The following IRAG1 variants were observed in gnomAD, a reference collection of about 807,000 sequenced individuals.
IRAG1 encodes the protein inositol 1,4,5-triphosphate receptor associated 1, also known as IP3R-associated cGMP kinase substrate.
A neutral mutation model predicts 106.2 loss-of-function variants in IRAG1; 62 were observed. The observed-to-expected ratio is 0.58, with a 90% confidence interval of 0.48 to 0.72. The LOEUF (loss-of-function observed/expected upper bound fraction) is 0.72. Among genes scored for constraint, IRAG1 ranks in the 30% least tolerant of loss-of-function variants. The probability of loss-of-function intolerance (pLI) is 0.00; values close to 1 mark genes in which losing one functional copy is unlikely to be tolerated. For missense variants in IRAG1, 1,064 were observed against 1,140.7 expected, an observed-to-expected ratio of 0.93 and a Z score of 0.97; for synonymous variants, 462 against 443.9, an observed-to-expected ratio of 1.04 and a Z score of -0.51.
intron 1 of IRAG1, among the ~76,000 whole-genome samples, chr11:10,668,357 A>G (rs1282718458): frequency 3.3e-5 from 5 of 152,276 alleles, no homozygotes; most frequent in Non-Finnish European, 5.9e-5. Flanking sequence ...TACAGTGTCT[A>G]GCACAAAATA....
At chr11:10,614,445 A>C (rs540700137) in intron 10 of IRAG1, among the ~76,000 whole-genome samples, 1 of 152,368 alleles carries the variant, frequency 6.6e-6, no homozygotes, top group South Asian at 2.1e-4. Flanking sequence ...AAAATACTTT[A>C]AAGTTCATGT....
intron 1 of IRAG1, among the ~76,000 whole-genome samples, chr11:10,663,926 C>G (rs1385919347): frequency 2.0e-5 from 3 of 152,198 alleles, no homozygotes; most frequent in Admixed American, 2.0e-4. Context: ...CTAGGTCACA[C>G]AGTCAGAAGG....
At position 10,628,757 on chromosome 11, in the gene IRAG1, G is replaced by C; in HGVS notation, c.646C>G (p.Pro216Ala). The C allele has an allele frequency of 6.5e-7, 1 of 1,540,104 alleles. No individual in the cohort carries two copies. Among genetic ancestry groups the C allele is most frequent in the Non-Finnish European group, 8.7e-7 (1 of 1,149,714 alleles). Residue 216 changes from proline (P) to alanine (A), a missense_variant, in exon 6 of 21, where the codon CCG becomes GCG. Pro to Ala is a conservative substitution (Grantham distance 27). Transcript: ENST00000423302. The surrounding 1 kb of genome is among the most constrained non-coding windows in gnomAD (Gnocchi z 4.1). ...SRSNSLTVPT[P>A]PGLDVCSGPP... ...CCGGGCAGCTGGGCCTCACCTGGCG[G>C]GGTGGGGACTGTAAGTGAGTTGCTC...
In IRAG1 at chr11:10,576,047, C is replaced by T; in HGVS notation, c.*285G>A. ...AAGGTGTTTTAGTTCTCCCCAGCCACCTGAGCTAGGGGCAGGAGACCTTCC... is the reference window on the plus strand; with the variant it reads ...AAGGTGTTTTAGTTCTCCCCAGCCATCTGAGCTAGGGGCAGGAGACCTTCC... On this transcript the variant is annotated 3_prime_UTR_variant, in exon 21 of 21. Coordinates refer to ENST00000423302, the MANE Select transcript of IRAG1 (RefSeq NM_130385.4). 1 of 405,144 alleles carries T rather than the reference C, an allele frequency of 2.5e-6. No individual in the cohort carries two copies. Among genetic ancestry groups the T allele is most frequent in the Non-Finnish European group, 4.6e-6 (1 of 218,686 alleles). 25.1% of individuals were successfully genotyped at this position (405,144 alleles called of 1,614,324 possible).
intron 2 of IRAG1, among the ~76,000 whole-genome samples, chr11:10,650,763 G>A (rs1175160217): frequency 6.6e-6 from 1 of 152,184 alleles, no homozygotes; most frequent in Non-Finnish European, 1.5e-5. Flanking sequence ...GCCTGAGGCT[G>A]AAGGGCTAGG....
rs965673934 is a variant in IRAG1, at chr11:10,665,121, T to G, written c.68-12939A>C. Among the ~76,000 whole-genome samples, 3 of 138,296 alleles carry G rather than the reference T, an allele frequency of 2.2e-5. No individual in the cohort carries two copies. Among genetic ancestry groups the G allele is most frequent in the African/African-American group, 8.2e-5 (3 of 36,748 alleles). 90.7% of individuals were successfully genotyped at this position (138,296 alleles called of 152,430 possible). ...GTCTTCTCTCACCTCTCTACTGTGC[T>G]GCTTACCTAACCCTAACCCTAACCC... is the stretch of plus-strand genomic sequence containing the variant. On this transcript the variant is annotated intron_variant, in intron 1 of 20. Coordinates refer to ENST00000423302, the MANE Select transcript of IRAG1 (RefSeq NM_130385.4). This position sits in a 1 kb window ranked among gnomAD's most constrained non-coding sequence, Gnocchi z 4.2.
At chr11:10,589,650 C>T (rs1852416318) in intron 18 of IRAG1, among the ~76,000 whole-genome samples, 1 of 152,160 alleles carries the variant, frequency 6.6e-6, no homozygotes, top group African/African-American at 2.4e-5. Flanking sequence ...AACCCCTCTT[C>T]CTCTAAAGAT....
chr11:10,598,928 G>A (rs553287664), intron 15 of IRAG1, among the ~76,000 whole-genome samples: 3 of 152,280 alleles, frequency 2.0e-5, no homozygotes, highest in Admixed American at 6.5e-5. Context: ...GATTGCAGAG[G>A]TTGTATAAAG....
At chr11:10,687,695 T>G in intron 1 of IRAG1, 1 of 1,288,258 alleles carries the variant, frequency 7.8e-7, no homozygotes, top group Non-Finnish European at 1.0e-6. Flanking sequence ...CTCCTTGCGG[T>G]GTTTTTGGAG....
intron 18 of IRAG1, 48 bp downstream of exon 18, chr11:10,591,500 A>G: frequency 6.6e-7 from 1 of 1,515,252 alleles, no homozygotes; most frequent in South Asian, 1.2e-5. Flanking sequence ...AAATGGGGAA[A>G]ATTTCCTGAG....
Position 10,690,631 on chromosome 11 carries a change from A to G in IRAG1, c.67+2905T>C, listed in dbSNP as rs183232062. ...TGATTTTCCTGTGATTTGGACTGTG[A>G]CACTCAGTAACTGCCCCAGGACCTA... On this transcript the variant is annotated intron_variant, in intron 1 of 20. Transcript: ENST00000423302. Among the ~76,000 whole-genome samples, 10 of 152,218 alleles carry G rather than the reference A, an allele frequency of 6.6e-5. No homozygotes were observed. In the East Asian group the frequency reaches 1.9e-3, roughly 29 times the overall value.
chr11:10,577,770 T>G (rs1482603023), intron 20 of IRAG1, among the ~76,000 whole-genome samples: 1 of 152,206 alleles, frequency 6.6e-6, no homozygotes, highest in Non-Finnish European at 1.5e-5. Context: ...ATGCCTGCCT[T>G]GGATGCTAGG....
chr11:10,617,064 T>C, intron 10 of IRAG1: 1 of 985,362 alleles, frequency 1.0e-6, no homozygotes, highest in Non-Finnish European at 1.2e-6. Context: ...GGGAGGCCTC[T>C]TTCCTGCCCA....
intron 20 of IRAG1, among the ~76,000 whole-genome samples, 182 bp from the exon 21 acceptor site, chr11:10,576,757 T>C (rs1459756186): frequency 6.6e-6 from 1 of 152,196 alleles, no homozygotes; most frequent in African/African-American, 2.4e-5. Flanking sequence ...TAAATGAGAA[T>C]ATCCAAAGTT....
chr11:10,593,203 T>A, intron 17 of IRAG1: 2 of 229,058 alleles, frequency 8.7e-6, no homozygotes, highest in South Asian at 6.4e-5. Flanking sequence ...TAGAAAAAAA[T>A]TGTAACCACC....
chr11:10,677,364 C>T (rs1040408177), intron 1 of IRAG1, among the ~76,000 whole-genome samples: 8 of 152,110 alleles, frequency 5.3e-5, no homozygotes, highest in Non-Finnish European at 1.2e-4. Context: ...GTGTTTATGA[C>T]TTGAGAGTAA....
In IRAG1 at chr11:10,647,172, G is replaced by A. The variant is rs1283509754; in HGVS notation, c.225+4853C>T. ...TGGCCCAGGTCCCAGAGCTCTCACTGAGGACCCAGGGGCAGTAACAGTGCT... is the reference window on the plus strand; with the variant it reads ...TGGCCCAGGTCCCAGAGCTCTCACTAAGGACCCAGGGGCAGTAACAGTGCT... On this transcript the variant is annotated intron_variant, in intron 2 of 20. Coordinates refer to ENST00000423302, the MANE Select transcript of IRAG1 (RefSeq NM_130385.4). This position sits in a 1 kb window ranked among gnomAD's most constrained non-coding sequence, Gnocchi z 4.3. 1.3e-5 allele frequency among the ~76,000 whole-genome samples: 2 copies of A among 152,174 alleles called. No homozygotes were observed. Among genetic ancestry groups the A allele is most frequent in the Non-Finnish European group, 2.9e-5 (2 of 68,038 alleles).
rs1426117883 is a variant in IRAG1 at position 10,633,970 on chromosome 11, G to C, written c.327C>G (p.Asn109Lys). Residue 109 changes from asparagine (N) to lysine (K), a missense_variant and splice_region_variant, in exon 3 of 21, where the codon AAC becomes AAG. Physicochemically the swap from Asn to Lys is moderately conservative, Grantham distance 94. Coordinates refer to ENST00000423302, the MANE Select transcript of IRAG1 (RefSeq NM_130385.4). ...PEGETDKNLANRVHSPHKRLS... is the reference protein window; with the variant it reads ...PEGETDKNLAKRVHSPHKRLS... ...ATGCAAGGATCAGGCACCTGTACCT[G>C]TTGGCCAGGTTTTTGTCGGTTTCTC... is the stretch of plus-strand genomic sequence containing the variant. 1.9e-6 allele frequency: 3 copies of C among 1,607,286 alleles called. No individual in the cohort carries two copies. Among genetic ancestry groups the C allele is most frequent in the Middle Eastern group, 1.7e-4 (1 of 6,052 alleles).
chr11:10,593,240 AAG>A (rs1182854323), intron 17 of IRAG1: 9 of 303,260 alleles, frequency 3.0e-5, no homozygotes, highest in Middle Eastern at 9.3e-4. Context: ...TAAGCACAAA[AAG>A]AGTTATCATT....
Sources: allele counts gnomAD v4.1 joint callset (sites outside exome capture counted in the v4.1 genomes callset), GRCh38; gene constraint gnomAD v4.1.1; non-coding constraint Gnocchi (gnomAD v3.1); transcripts MANE v1.5; gene names NCBI Gene and HGNC (gene_info 2026-07-23, HGNC 2026-07-21).